The following ZNF571 variants were observed in gnomAD, a reference collection of about 807,000 sequenced individuals.
The protein encoded by ZNF571 is zinc finger protein 571.
A neutral mutation model predicts 7.7 loss-of-function variants in ZNF571; 4 were observed. The ratio of observed to expected loss-of-function variants is 0.52; its 90% confidence interval spans 0.25 to 1.18. The LOEUF (loss-of-function observed/expected upper bound fraction) is 1.18. ZNF571 is among the 50% of genes most tolerant of loss of function. The pLI, the probability that ZNF571 is intolerant of heterozygous loss-of-function variation, is 0.14. For synonymous variants in ZNF571, 251 were observed against 232.4 expected (o/e 1.08, Z -0.73); for missense variants, 704 against 726.9 (o/e 0.97, Z 0.36).
Position 37,564,710 on chromosome 19 carries a change from A to T in ZNF571, c.1718T>A (p.Leu573His), listed in dbSNP as rs4802029. ...CGRAFSRGSELTLHQRIHTGE... is the reference protein window; with the variant it reads ...CGRAFSRGSEHTLHQRIHTGE... Reference sequence around the variant, plus strand: ...AGTATGGATCCTTTGATGCAGAGTAAGTTCTGAGCCACGACTAAAGGCCCT... The same window carrying T: ...AGTATGGATCCTTTGATGCAGAGTATGTTCTGAGCCACGACTAAAGGCCCT... The change falls in exon 4 of 4, where the codon CTT (leucine) becomes CAT (histidine). Residue 573 changes from leucine (L) to histidine (H), a missense_variant. Physicochemically the swap from Leu to His is moderately conservative, Grantham distance 99 (BLOSUM62 -3). Transcript: ENST00000451802. 0.21 allele frequency: 340,800 copies of T among 1,613,464 alleles called. 43,199 individuals carry two copies. The highest frequency in any genetic ancestry group is 0.66 in the East Asian group (29,518 of 44,848).
intron 1 of ZNF571, among the ~76,000 whole-genome samples, chr19:37,590,573 CTAATA>C (rs1246854666): frequency 6.6e-6 from 1 of 152,188 alleles, no homozygotes; most frequent in African/African-American, 2.4e-5. Flanking sequence ...AGAAAATACA[CTAATA>C]TAATTATAGA....
At chr19:37,588,336 G>A (rs557014059) in intron 1 of ZNF571, among the ~76,000 whole-genome samples, 1 of 152,060 alleles carries the variant, frequency 6.6e-6, no homozygotes, top group Admixed American at 6.6e-5. Flanking sequence ...AGAGAACAGA[G>A]ATTTCAAAAT....
In ZNF571 at chr19:37,565,553, G is replaced by A. The variant is rs758790331; in HGVS notation, c.875C>T (p.Ser292Phe). 1 of 1,613,612 alleles carries A rather than the reference G, an allele frequency of 6.2e-7. No individual in the cohort carries two copies. Among genetic ancestry groups the A allele is most frequent in the Admixed American group, 1.7e-5 (1 of 59,956 alleles). Residue 292 changes from serine (S) to phenylalanine (F), a missense_variant, in exon 4 of 4, where the codon TCT (serine) becomes TTT (phenylalanine). Transcript: ENST00000451802. ...KDCGKAFILG[S>F]QLTYHQRIHS... ...AATTCTCTGATGGTAAGTAAGTTGA[G>A]AGCCAAGAATAAAGGCCTTCCCACA...
At chr19:37,576,139 G>C (rs1027502939) in intron 3 of ZNF571, among the ~76,000 whole-genome samples, 2 of 151,916 alleles carry the variant, frequency 1.3e-5, no homozygotes, top group Non-Finnish European at 2.9e-5. Flanking sequence ...TTAAAAATTA[G>C]GCTTTCTGGG....
intron 1 of ZNF571, chr19:37,587,176 C>T (rs1280410856): frequency 2.0e-5 from 3 of 153,468 alleles, no homozygotes; most frequent in Admixed American, 1.3e-4. Flanking sequence ...CAGTCTCATC[C>T]CACTCCCCTG....
intron 1 of ZNF571, among the ~76,000 whole-genome samples, chr19:37,588,615 C>G (rs552618133): frequency 2.0e-5 from 3 of 152,198 alleles, no homozygotes; most frequent in Non-Finnish European, 4.4e-5. Flanking sequence ...GTATCCTGCT[C>G]ACTACCTGGG....
At chr19:37,578,824 C>T (rs1487783440) in intron 3 of ZNF571, among the ~76,000 whole-genome samples, 1 of 152,236 alleles carries the variant, frequency 6.6e-6, no homozygotes, top group Non-Finnish European at 1.5e-5. Flanking sequence ...GCAACCGCAC[C>T]TCCGCCTAAA....
At chr19:37,566,458 G>A in intron 3 of ZNF571, 167 bp from the exon 4 acceptor site, 3 of 723,256 alleles carry the variant, frequency 4.1e-6, no homozygotes, top group Non-Finnish European at 6.4e-6. Flanking sequence ...AGAGAATAAA[G>A]AAAAAGGAGA....
intron 3 of ZNF571, among the ~76,000 whole-genome samples, chr19:37,582,090 C>A (rs1486166230): frequency 6.6e-6 from 1 of 152,138 alleles, no homozygotes; most frequent in Non-Finnish European, 1.5e-5. Context: ...ATTGTAAACT[C>A]TATTTGTAAC....
chr19:37,589,864 CAAAAAA>C (rs60136941), intron 1 of ZNF571, among the ~76,000 whole-genome samples: 20 of 29,586 alleles, frequency 6.8e-4, no homozygotes, highest in Non-Finnish European at 9.9e-4. Context: ...GACTCCATCT[CAAAAAA>C]AAAAAAAAAA....
chr19:37,579,345 AT>A (rs756154494), intron 3 of ZNF571, among the ~76,000 whole-genome samples: 1 of 151,952 alleles, frequency 6.6e-6, no homozygotes, highest in Non-Finnish European at 1.5e-5. Flanking sequence ...GCGCCTGACC[AT>A]TTCCCCCAGG....
chr19:37,588,923 G>A (rs917229859), intron 1 of ZNF571, among the ~76,000 whole-genome samples: 3 of 151,992 alleles, frequency 2.0e-5, no homozygotes, highest in Non-Finnish European at 4.4e-5. Context: ...AAATTGGCAG[G>A]GAGTGGTGGC....
intron 2 of ZNF571, 122 bp from the exon 3 acceptor site, chr19:37,584,219 TA>T: frequency 7.3e-7 from 1 of 1,362,344 alleles, no homozygotes; most frequent in Non-Finnish European, 1.0e-6. Context: ...ATTGGTTGCC[TA>T]AACAGTAGTA....
Position 37,565,321 on chromosome 19 carries a change from C to T in ZNF571, c.1107G>A (p.Gly369=), listed in dbSNP as rs1385876510. The change falls in exon 4 of 4, where the codon GGG becomes GGA. Residue 369 remains glycine, a synonymous_variant. Transcript: ENST00000451802. ...GEKPYECKEC[G]KTFFRGSQLT... ...GTTGTGAGCCACGAAAAAAGGTCTT[C>T]CCGCATTCTTTACATTCATAGGGTT... 2.5e-6 allele frequency: 4 copies of T among 1,611,970 alleles called. No homozygotes were observed. The East Asian group carries it at 8.9e-5, about 36-fold the overall frequency.
At chr19:37,581,789 G>GAAA (rs35272779) in intron 3 of ZNF571, among the ~76,000 whole-genome samples, 1 of 147,478 alleles carries the variant, frequency 6.8e-6, no homozygotes, top group Non-Finnish European at 1.5e-5. Context: ...ATTCTCCTGT[G>GAAA]AAAAAAAAAC....
rs542781735 is a variant in ZNF571, at chr19:37,584,091, C to T, written c.16G>A (p.Val6Met). MPHLL[V>M]TFRDVAIDFS... ...TCAATGGCCACATCCCTGAAAGTCA[C>T]CAACAACTGAAACAACAAATCCATT... is the stretch of plus-strand genomic sequence containing the variant. The change falls in exon 3 of 4, where the codon GTG (valine) becomes ATG (methionine). Residue 6 changes from valine to methionine, a missense_variant. Coordinates refer to ENST00000451802, the MANE Select transcript of ZNF571 (RefSeq NM_016536.5). The T allele has an allele frequency of 1.2e-6, 2 of 1,614,008 alleles. No individual in the cohort carries two copies. The highest frequency in any genetic ancestry group is 1.3e-5 in the African/African-American group (1 of 75,020).
intron 3 of ZNF571, among the ~76,000 whole-genome samples, chr19:37,573,529 A>C (rs1416943134): frequency 6.6e-6 from 1 of 152,124 alleles, no homozygotes; most frequent in Non-Finnish European, 1.5e-5. Flanking sequence ...TTATCTACTA[A>C]TTGAAAATAA....
At chr19:37,591,114 C>T (rs555956705) in intron 1 of ZNF571, among the ~76,000 whole-genome samples, 2 of 152,216 alleles carry the variant, frequency 1.3e-5, no homozygotes, top group African/African-American at 4.8e-5. Flanking sequence ...AGCTTTGTTC[C>T]CTGAAATGGC....
At chr19:37,576,271 C>T (rs1415632679) in intron 3 of ZNF571, among the ~76,000 whole-genome samples, 1 of 152,162 alleles carries the variant, frequency 6.6e-6, no homozygotes, top group African/African-American at 2.4e-5. Context: ...GCTTAATTCA[C>T]AAAGCAAGGC....
Sources: allele counts gnomAD v4.1 joint callset (sites outside exome capture counted in the v4.1 genomes callset), GRCh38; gene constraint gnomAD v4.1.1; transcripts MANE v1.5; gene names NCBI Gene and HGNC (gene_info 2026-07-23, HGNC 2026-07-21).